CSMD1: variants seen among roughly 807,000 people sequenced by gnomAD.
CSMD1 encodes CUB and sushi domain-containing protein 1.
A neutral mutation model predicts 417.5 loss-of-function variants in CSMD1; 213 were observed. The ratio of observed to expected loss-of-function variants is 0.51; its 90% CI spans 0.46 to 0.57. The LOEUF is 0.57. Ranked by LOEUF, CSMD1 falls within the 20% of genes least tolerant of loss-of-function variation. The probability of loss-of-function intolerance (pLI) is 0.00; values close to 1 mark genes in which losing one functional copy is unlikely to be tolerated. For synonymous variants in CSMD1, 2,862 were observed against 1,736.8 expected (o/e 1.65, Z -16.11); for missense variants, 6,923 against 4,529.7 (o/e 1.53, Z -15.17).
intron 7 of CSMD1, among the ~76,000 whole-genome samples, chr8:3,645,117 C>A (rs1200381616): frequency 6.6e-6 from 1 of 152,120 alleles, no homozygotes; most frequent in African/African-American, 2.4e-5. Context: ...CCTGCTAAGG[C>A]CATGTTCAAA....
intron 3 of CSMD1, among the ~76,000 whole-genome samples, chr8:4,112,313 C>G (rs185629034): frequency 1.3e-5 from 2 of 152,214 alleles, no homozygotes; most frequent in African/African-American, 4.8e-5. Flanking sequence ...TTTACACAGA[C>G]TCCACCCTGG....
chr8:4,961,431 A>C (rs1050762633), intron 1 of CSMD1, among the ~76,000 whole-genome samples: 1 of 152,130 alleles, frequency 6.6e-6, no homozygotes, highest in Non-Finnish European at 1.5e-5. Flanking sequence ...TTACTCCTTG[A>C]AATGTCCTCT....
chr8:4,566,971 G>T lies in CSMD1; in HGVS notation c.302+70371C>A, dbSNP rs558919282. 2.6e-5 allele frequency among the ~76,000 whole-genome samples: 4 copies of T among 152,142 alleles called. No individual in the cohort carries two copies. The South Asian group carries it at 8.3e-4, about 32-fold the overall frequency. ...GCAATCGAGACTTTAGCAGTCTCTG[G>T]AGAAAACATCACTTTCTCCAATGAA... On this transcript the variant is annotated intron_variant, in intron 2 of 69. Transcript: ENST00000635120.
At chr8:4,751,301 C>T (rs914112752) in intron 1 of CSMD1, among the ~76,000 whole-genome samples, 2 of 151,990 alleles carry the variant, frequency 1.3e-5, no homozygotes, top group African/African-American at 2.4e-5. Context: ...AGGAGAATCG[C>T]TTGAACCCAG....
chr8:3,793,556 C>G (rs535370307), intron 5 of CSMD1, among the ~76,000 whole-genome samples: 2 of 151,784 alleles, frequency 1.3e-5, no homozygotes, highest in Non-Finnish European at 2.9e-5. Context: ...GACACCCCCT[C>G]CTCCAAAGCC....
At chr8:3,965,696 C>G (rs1237829741) in intron 5 of CSMD1, among the ~76,000 whole-genome samples, 1 of 152,150 alleles carries the variant, frequency 6.6e-6, no homozygotes, top group Admixed American at 6.5e-5. Flanking sequence ...CAGCTCACTA[C>G]AACCTCTGCC....
intron 3 of CSMD1, among the ~76,000 whole-genome samples, chr8:4,417,658 A>G (rs1359842170): frequency 6.6e-6 from 1 of 151,986 alleles, no homozygotes; most frequent in Non-Finnish European, 1.5e-5. Context: ...AAATAACAGG[A>G]TCCGTGGGCA....
chr8:3,433,434 T>A (rs1305723857), intron 12 of CSMD1, among the ~76,000 whole-genome samples: 9 of 152,344 alleles, frequency 5.9e-5, no homozygotes, highest in African/African-American at 1.9e-4. Context: ...TGCTCCTAAA[T>A]TAAATATTTT....
intron 3 of CSMD1, among the ~76,000 whole-genome samples, chr8:4,135,017 A>G (rs1393912516): frequency 6.6e-6 from 1 of 152,060 alleles, no homozygotes; most frequent in Non-Finnish European, 1.5e-5. Flanking sequence ...ATTTTTATTG[A>G]TTATTTTGTG....
chr8:4,705,395 T>C (rs1361880177), intron 1 of CSMD1, among the ~76,000 whole-genome samples: 3 of 152,188 alleles, frequency 2.0e-5, no homozygotes, highest in Admixed American at 6.5e-5. Context: ...ATCAAGAACA[T>C]GCATAGTCAT....
chr8:3,240,988 G>C (rs1478571498), intron 26 of CSMD1, among the ~76,000 whole-genome samples: 2 of 151,192 alleles, frequency 1.3e-5, no homozygotes, highest in Non-Finnish European at 2.9e-5. Context: ...AGGGTGATTA[G>C]TTTTTAATGA....
intron 3 of CSMD1, among the ~76,000 whole-genome samples, chr8:4,034,085 G>C (rs944555399): frequency 6.6e-6 from 1 of 152,148 alleles, no homozygotes; most frequent in African/African-American, 2.4e-5. Context: ...CGGCATGGGG[G>C]TGTATTTTAA....
chr8:3,924,260 C>T (rs1185338363), intron 5 of CSMD1, among the ~76,000 whole-genome samples: 4 of 152,044 alleles, frequency 2.6e-5, no homozygotes, highest in African/African-American at 7.2e-5. Flanking sequence ...TGTAGGGATA[C>T]CTTATATGTT....
intron 1 of CSMD1, among the ~76,000 whole-genome samples, chr8:4,749,125 A>C (rs185230712): frequency 6.6e-6 from 1 of 152,390 alleles, no homozygotes; most frequent in East Asian, 1.9e-4. Flanking sequence ...TTTCACTGCC[A>C]CATCTAATAT....
intron 3 of CSMD1, among the ~76,000 whole-genome samples, chr8:4,070,059 C>T (rs538034973): frequency 1.5e-4 from 23 of 151,764 alleles, no homozygotes; most frequent in South Asian, 4.2e-4. Context: ...CTATACTTTT[C>T]GCAGTGTTTT....
At chr8:4,901,096 C>T (rs1804841390) in intron 1 of CSMD1, among the ~76,000 whole-genome samples, 1 of 152,186 alleles carries the variant, frequency 6.6e-6, no homozygotes, top group Non-Finnish European at 1.5e-5. Context: ...TTATTTTGGG[C>T]AACAGTATAC....
At chr8:4,148,451 T>C (rs931048901) in intron 3 of CSMD1, among the ~76,000 whole-genome samples, 2 of 151,874 alleles carry the variant, frequency 1.3e-5, no homozygotes, top group African/African-American at 4.8e-5. Flanking sequence ...CACACCAACA[T>C]GGCACATGTA....
chr8:3,635,624 C>T (rs987846144), intron 7 of CSMD1, among the ~76,000 whole-genome samples: 4 of 151,274 alleles, frequency 2.6e-5, no homozygotes, highest in Admixed American at 6.6e-5. Flanking sequence ...GCTGGGACTA[C>T]AGGCGCCAGC....
At chr8:4,129,189 A>C (rs1227844550) in intron 3 of CSMD1, among the ~76,000 whole-genome samples, 1 of 152,044 alleles carries the variant, frequency 6.6e-6, no homozygotes, top group East Asian at 1.9e-4. Context: ...CACTTTCAAC[A>C]TCTACACTTA....
Sources: gnomAD v4.1 joint callset for allele counts (sites outside exome capture counted in the v4.1 genomes callset) on GRCh38, gnomAD v4.1.1 for gene constraint, MANE v1.5 for transcripts, NCBI Gene and HGNC (gene_info 2026-07-23, HGNC 2026-07-21) for gene names.